TRPM3: variants seen among roughly 807,000 people sequenced by gnomAD.
TRPM3 encodes the protein transient receptor potential cation channel subfamily M member 3.
A neutral mutation model predicts 181.2 loss-of-function variants in TRPM3; 77 were observed. The ratio of observed to expected loss-of-function variants is 0.42; its 90% CI spans 0.35 to 0.51. The LOEUF is 0.51. Ranked by LOEUF, TRPM3 falls within the 20% of genes least tolerant of loss-of-function variation. The pLI, the probability that TRPM3 is intolerant of heterozygous loss-of-function variation, is 0.01. For synonymous variants in TRPM3, 745 were observed against 796.4 expected (o/e 0.94, Z 1.09); for missense variants, 1,759 against 2,196.7 (o/e 0.80, Z 3.98).
At chr9:71,382,902 T>C (rs2092836178) in intron 1 of TRPM3, among the ~76,000 whole-genome samples, 2 of 152,106 alleles carry the variant, frequency 1.3e-5, no homozygotes, top group Non-Finnish European at 2.9e-5. Flanking sequence ...ATATAATATC[T>C]AATATTTTGG....
At chr9:71,284,979 T>C (rs536458369) in intron 1 of TRPM3, among the ~76,000 whole-genome samples, 2 of 152,298 alleles carry the variant, frequency 1.3e-5, no homozygotes, top group Admixed American at 6.5e-5. Context: ...TTCTCAAACA[T>C]TTTAAAAAAT....
intron 22 of TRPM3, chr9:70,579,210 T>C (rs1332767841): frequency 6.6e-6 from 1 of 152,276 alleles, no homozygotes; most frequent in East Asian, 1.9e-4. Flanking sequence ...CAGTTGCTAT[T>C]CACAGGCGTG....
intron 1 of TRPM3, among the ~76,000 whole-genome samples, chr9:71,439,450 T>C (rs1377060386): frequency 1.3e-5 from 2 of 152,176 alleles, no homozygotes; most frequent in Non-Finnish European, 2.9e-5. Context: ...GGGCAGGTAT[T>C]TTCATCTTCA....
chr9:71,283,362 T>A (rs1474562270), intron 1 of TRPM3, among the ~76,000 whole-genome samples: 1 of 152,144 alleles, frequency 6.6e-6, no homozygotes, highest in Non-Finnish European at 1.5e-5. Flanking sequence ...AGTGGTGTGA[T>A]CTTGGCTCAC....
chr9:70,884,543 A>G (rs770872437), intron 1 of TRPM3, among the ~76,000 whole-genome samples: 1 of 152,210 alleles, frequency 6.6e-6, no homozygotes, highest in Non-Finnish European at 1.5e-5. Context: ...GCTTCTTATT[A>G]CAGAAGTAAA....
At position 70,779,965 on chromosome 9, in the gene TRPM3, G is replaced by A. The variant is rs183846669; in HGVS notation, c.1148+4140C>T. 2.1e-3 allele frequency among the ~76,000 whole-genome samples: 323 copies of A among 152,202 alleles called. 1 individual carries two copies. Among genetic ancestry groups the A allele is most frequent in the Non-Finnish European group, 4.2e-3 (284 of 67,988 alleles). On this transcript the variant is annotated intron_variant, in intron 7 of 25. Transcript: ENST00000677713. ...GATAGGGAGAAAGAGACTCAAACAA[G>A]AATTTAACTGCAATTATCTCTTAGT...
At chr9:70,587,077 C>T (rs2057271952) in intron 22 of TRPM3, among the ~76,000 whole-genome samples, 1 of 151,818 alleles carries the variant, frequency 6.6e-6, no homozygotes, top group African/African-American at 2.4e-5. Flanking sequence ...CAAAAACCTT[C>T]CTACCCCAGA....
intron 1 of TRPM3, among the ~76,000 whole-genome samples, chr9:71,235,546 A>T (rs2081309392): frequency 6.6e-6 from 1 of 152,222 alleles, no homozygotes; most frequent in Admixed American, 6.5e-5. Flanking sequence ...TGACAGATGG[A>T]ACAGATAACA....
chr9:71,333,528 A>G (rs536529783), intron 1 of TRPM3, among the ~76,000 whole-genome samples: 3 of 151,970 alleles, frequency 2.0e-5, no homozygotes, highest in Middle Eastern at 3.2e-3. Context: ...CTGCCATGTG[A>G]TAAGTTGCCC....
chr9:70,776,615 A>C, intron 7 of TRPM3: 1 of 534,462 alleles, frequency 1.9e-6, no homozygotes, highest in East Asian at 3.3e-5. Flanking sequence ...TTTTTATGGC[A>C]CAGCTTGCTT....
At chr9:70,695,842 A>G (rs7870794) in intron 8 of TRPM3, among the ~76,000 whole-genome samples, 46,547 of 152,038 alleles carry the variant, frequency 0.31, 7,559 homozygotes, top group East Asian at 0.4. Context: ...TAGATACCAC[A>G]TGGAGAACCA....
chr9:71,317,998 C>A (rs988097742), intron 1 of TRPM3, among the ~76,000 whole-genome samples: 1 of 151,890 alleles, frequency 6.6e-6, no homozygotes, highest in Non-Finnish European at 1.5e-5. Flanking sequence ...GCCTGTAATC[C>A]CAGCATTTTG....
At chr9:71,195,801 T>C (rs1011777473) in intron 1 of TRPM3, among the ~76,000 whole-genome samples, 3 of 152,108 alleles carry the variant, frequency 2.0e-5, no homozygotes, top group African/African-American at 4.8e-5. Flanking sequence ...GATCATGTCC[T>C]TTGCAGAAAC....
At chr9:71,314,221 G>A (rs1351394768) in intron 1 of TRPM3, among the ~76,000 whole-genome samples, 1 of 151,964 alleles carries the variant, frequency 6.6e-6, no homozygotes, top group African/African-American at 2.4e-5. Flanking sequence ...GCCTTAAAGA[G>A]AACTCACTTA....
At chr9:70,925,566 A>G (rs569405759) in intron 1 of TRPM3, among the ~76,000 whole-genome samples, 1 of 152,144 alleles carries the variant, frequency 6.6e-6, no homozygotes, top group Middle Eastern at 3.4e-3. Flanking sequence ...CTGTCTATTC[A>G]CAGAATATGG....
At chr9:71,360,656 C>T (rs1043725374) in intron 1 of TRPM3, among the ~76,000 whole-genome samples, 130 of 152,310 alleles carry the variant, frequency 8.5e-4, no homozygotes, top group African/African-American at 3.0e-3. Context: ...CATATACCAG[C>T]TCTTAGAGGC....
intron 1 of TRPM3, among the ~76,000 whole-genome samples, chr9:71,300,556 A>AATGG (rs2086675687): frequency 6.6e-6 from 1 of 152,088 alleles, no homozygotes; most frequent in Admixed American, 6.6e-5. Context: ...CAATGTCATG[A>AATGG]ATGGTGAATA....
intron 1 of TRPM3, among the ~76,000 whole-genome samples, chr9:70,924,299 A>G (rs2096696939): frequency 6.6e-6 from 1 of 152,150 alleles, no homozygotes; most frequent in Non-Finnish European, 1.5e-5. Context: ...CCAAAATTAT[A>G]GTCACACTGG....
chr9:70,553,105 C>A, intron 23 of TRPM3, 55 bp downstream of exon 23: 5 of 1,613,440 alleles, frequency 3.1e-6, no homozygotes, highest in Middle Eastern at 1.7e-4. Context: ...AGCATCGACT[C>A]CCCTTCACCC....
Sources: allele counts gnomAD v4.1 joint callset (sites outside exome capture counted in the v4.1 genomes callset), GRCh38; gene constraint gnomAD v4.1.1; transcripts MANE v1.5; gene names NCBI Gene and HGNC (gene_info 2026-07-23, HGNC 2026-07-21).